PID1: variants seen among roughly 807,000 people sequenced by gnomAD.
PID1 encodes PTB-containing, cubilin and LRP1-interacting protein.
Under a neutral mutation model 19.1 loss-of-function variants are expected in PID1, and 10 were observed. The observed-to-expected ratio is 0.52, with a 90% confidence interval of 0.32 to 0.89. The LOEUF (loss-of-function observed/expected upper bound fraction) is 0.89, where lower values mean the gene tolerates loss of function less well. Ranked by LOEUF, PID1 falls within the 40% of genes least tolerant of loss-of-function variation. The pLI, the probability that PID1 is intolerant of heterozygous loss-of-function variation, is 0.03. For synonymous variants in PID1, 130 were observed against 116.0 expected (o/e 1.12, Z -0.78); for missense variants, 248 against 285.3 (o/e 0.87, Z 0.94).
At chr2:229,056,820 T>C (rs1694112238) in intron 2 of PID1, among the ~76,000 whole-genome samples, 1 of 152,070 alleles carries the variant, frequency 6.6e-6, no homozygotes, top group Non-Finnish European at 1.5e-5. Flanking sequence ...CATCCTCTAA[T>C]ACACTCTAAT....
intron 1 of PID1, among the ~76,000 whole-genome samples, chr2:229,197,408 A>C (rs1359828702): frequency 2.0e-5 from 3 of 152,070 alleles, no homozygotes; most frequent in African/African-American, 7.2e-5. Flanking sequence ...ACTGGGCATT[A>C]TCATCATATT....
intron 2 of PID1, among the ~76,000 whole-genome samples, chr2:229,125,850 G>A (rs1695612070): frequency 6.6e-6 from 1 of 152,168 alleles, no homozygotes; most frequent in Non-Finnish European, 1.5e-5. Flanking sequence ...GTGTACCACA[G>A]AAGGCTTTCT....
At chr2:229,034,673 G>C (rs141039580) in intron 2 of PID1, among the ~76,000 whole-genome samples, 2 of 152,036 alleles carry the variant, frequency 1.3e-5, no homozygotes, top group African/African-American at 4.8e-5. Context: ...CAATAGCAAA[G>C]GGGAGTGGTA....
intron 1 of PID1, among the ~76,000 whole-genome samples, chr2:229,163,052 C>T (rs1223821194): frequency 6.6e-6 from 1 of 151,948 alleles, no homozygotes; most frequent in Non-Finnish European, 1.5e-5. Flanking sequence ...TTAAAATGAC[C>T]TTTTATTTAA....
At chr2:229,030,599 G>T (rs1693526095) in intron 2 of PID1, among the ~76,000 whole-genome samples, 1 of 145,752 alleles carries the variant, frequency 6.9e-6, no homozygotes, top group Admixed American at 6.9e-5. Flanking sequence ...CTCTCTCTCT[G>T]ATATTTTTCT....
chr2:229,250,150 A>C (rs927020116), intron 1 of PID1, among the ~76,000 whole-genome samples: 1 of 152,230 alleles, frequency 6.6e-6, no homozygotes, highest in Non-Finnish European at 1.5e-5. Context: ...AATGTGAAAA[A>C]GACTGCAGAA....
At chr2:229,270,749 C>T (rs1444951310) in intron 1 of PID1, among the ~76,000 whole-genome samples, 1 of 151,952 alleles carries the variant, frequency 6.6e-6, no homozygotes, top group Non-Finnish European at 1.5e-5. Context: ...GAAAGTCCAA[C>T]CTTATATGTA....
chr2:229,143,087 A>C (rs1176997979), intron 2 of PID1, among the ~76,000 whole-genome samples: 1 of 137,166 alleles, frequency 7.3e-6, no homozygotes, highest in Non-Finnish European at 1.6e-5. Context: ...TCAGTAAACT[A>C]TCACAAGAAC....
At chr2:229,054,871 T>A (rs536375648) in intron 2 of PID1, among the ~76,000 whole-genome samples, 1 of 152,194 alleles carries the variant, frequency 6.6e-6, no homozygotes, top group East Asian at 1.9e-4. Context: ...ACAGAAAAAA[T>A]TACTAACTCT....
At chr2:229,248,868 CTTT>C (rs1211800369) in intron 1 of PID1, among the ~76,000 whole-genome samples, 1 of 151,598 alleles carries the variant, frequency 6.6e-6, no homozygotes, top group African/African-American at 2.4e-5. Flanking sequence ...GTTGAAATAA[CTTT>C]TTTTTTCTGA....
At chr2:229,163,501 A>AT (rs5839310) in intron 1 of PID1, among the ~76,000 whole-genome samples, 89,887 of 149,214 alleles carry the variant, frequency 0.6, 27,561 homozygotes, top group East Asian at 0.87. Flanking sequence ...TCATGGAAGC[A>AT]TTTTTTTTTT....
At position 229,191,867 on chromosome 2, in the gene PID1, C is replaced by G. The variant is rs186925055; in HGVS notation, c.31-35903G>C. ...GGATTCAAATCCAATTTCACTTTTACTACCCAGGTGGCTTGGGAAAACCAA... is the reference window on the plus strand; with the variant it reads ...GGATTCAAATCCAATTTCACTTTTAGTACCCAGGTGGCTTGGGAAAACCAA... On this transcript the variant is annotated intron_variant, in intron 1 of 2. Transcript: ENST00000392055. Among the ~76,000 whole-genome samples, 12 of 152,318 alleles carry G rather than the reference C, an allele frequency of 7.9e-5. No homozygotes were observed. The East Asian group carries it at 2.3e-3, about 29-fold the overall frequency.
chr2:229,268,489 T>G (rs1448644033), intron 1 of PID1, among the ~76,000 whole-genome samples: 1 of 152,220 alleles, frequency 6.6e-6, no homozygotes, highest in African/African-American at 2.4e-5. Context: ...CCTCTTTTGA[T>G]TCTAGGTATT....
At chr2:229,043,916 AG>A (rs1000964434) in intron 2 of PID1, among the ~76,000 whole-genome samples, 18 of 152,216 alleles carry the variant, frequency 1.2e-4, no homozygotes, top group Non-Finnish European at 2.4e-4. Flanking sequence ...AGGAAGAGCA[AG>A]GACACATCCA....
intron 2 of PID1, among the ~76,000 whole-genome samples, chr2:229,077,240 T>C (rs1694576562): frequency 6.6e-6 from 1 of 152,176 alleles, no homozygotes; most frequent in Non-Finnish European, 1.5e-5. Flanking sequence ...GGGTTGTTTG[T>C]TTTTTTCATG....
chr2:229,049,215 T>C (rs560450419), intron 2 of PID1, among the ~76,000 whole-genome samples: 16 of 152,330 alleles, frequency 1.1e-4, no homozygotes, highest in Admixed American at 3.9e-4. Flanking sequence ...TCTTTGCTAA[T>C]TTGACAGATG....
intron 2 of PID1, among the ~76,000 whole-genome samples, chr2:229,110,720 T>C (rs1422215345): frequency 1.3e-5 from 2 of 152,192 alleles, no homozygotes; most frequent in African/African-American, 4.8e-5. Flanking sequence ...ATCTCTAGCC[T>C]GTCACAATGC....
chr2:229,064,632 A>T (rs1694283210), intron 2 of PID1, among the ~76,000 whole-genome samples: 1 of 152,164 alleles, frequency 6.6e-6, no homozygotes, highest in Non-Finnish European at 1.5e-5. Flanking sequence ...GCCATATTCG[A>T]AAGTGAAAAA....
At chr2:229,242,802 T>G (rs1689904764) in intron 1 of PID1, among the ~76,000 whole-genome samples, 1 of 152,126 alleles carries the variant, frequency 6.6e-6, no homozygotes, top group African/African-American at 2.4e-5. Flanking sequence ...CCATGCTCAG[T>G]AACATCCTAT....
Sources: allele counts gnomAD v4.1 joint callset (sites outside exome capture counted in the v4.1 genomes callset), GRCh38; gene constraint gnomAD v4.1.1; transcripts MANE v1.5; gene names NCBI Gene and HGNC (gene_info 2026-07-23, HGNC 2026-07-21).